Variants in DCP2 observed in about 807,000 individuals in gnomAD.
DCP2 encodes the protein m7GpppN-mRNA hydrolase.
In DCP2, 30 loss-of-function variants were observed where a neutral mutation model predicts 56.1. The ratio of observed to expected loss-of-function variants is 0.53; its 90% CI spans 0.40 to 0.73. The LOEUF (loss-of-function observed/expected upper bound fraction) is 0.73, where lower values mean the gene tolerates loss of function less well. Ranked by LOEUF, DCP2 falls within the 30% of genes least tolerant of loss-of-function variation. The probability of loss-of-function intolerance (pLI) is 0.00; values close to 1 mark genes in which losing one functional copy is unlikely to be tolerated. For missense variants in DCP2, 533 were observed against 502.7 expected (o/e 1.06, Z -0.58); for synonymous variants, 197 against 163.3 (o/e 1.21, Z -1.57).
intron 9 of DCP2, chr5:113,008,307 C>G: frequency 3.5e-6 from 1 of 282,522 alleles, no homozygotes; most frequent in Non-Finnish European, 6.5e-6. Context: ...CAAACCTGTT[C>G]TCTAGAGCAA....
intron 7 of DCP2, among the ~76,000 whole-genome samples, chr5:113,003,095 AGGACAGGAGC>A (rs1171700571): frequency 1.1e-4 from 17 of 152,156 alleles, no homozygotes; most frequent in Non-Finnish European, 1.9e-4. Context: ...GGATATTCTG[AGGACAGGAGC>A]TTGGACTAAA....
Position 113,008,549 on chromosome 5 carries a change from TTA to T in DCP2, c.1047+509_1047+510del, listed in dbSNP as rs1260872218. Among the ~76,000 whole-genome samples, 4 of 152,198 alleles carry T rather than the reference TTA, an allele frequency of 2.6e-5. No individual in the cohort carries two copies. In the South Asian group the frequency reaches 8.3e-4, roughly 32 times the overall value. ...AATTCATAACTCACAGTCTCCTGCG[TTA>T]TCTTTTCTGTAAGTTCTGATATTTG... On this transcript the variant is annotated intron_variant, in intron 9 of 10. Coordinates refer to ENST00000389063, the MANE Select transcript of DCP2 (RefSeq NM_152624.6).
chr5:113,010,634 A>T, intron 9 of DCP2, 122 bp from the exon 10 acceptor site: 1 of 1,122,794 alleles, frequency 8.9e-7, no homozygotes, highest in South Asian at 1.9e-5. Context: ...TGATGATTAT[A>T]TTCCTGGTTC....
intron 9 of DCP2, among the ~76,000 whole-genome samples, chr5:113,009,435 G>A (rs1197576021): frequency 1.3e-5 from 2 of 152,178 alleles, no homozygotes; most frequent in South Asian, 2.1e-4. Flanking sequence ...ATTGAAATGA[G>A]TTACATTTCT....
At position 112,984,692 on chromosome 5, in the gene DCP2, AAAAAAAAAAAAATAT is replaced by A. The variant is rs1473757183; in HGVS notation, c.54-1141_54-1127del. On this transcript the variant is annotated intron_variant, in intron 1 of 10. Coordinates refer to ENST00000389063, the MANE Select transcript of DCP2 (RefSeq NM_152624.6). ...GTTGTTTTTATTTCTTAATTAAAAA[AAAAAAAAAAAAATAT>A]ATATATATATATATATATTTGAGAC... 1.3e-3 allele frequency: 137 copies of A among 104,842 alleles called. 9 individuals are homozygous for A. The highest frequency in any genetic ancestry group is 6.3e-3 in the African/African-American group (130 of 20,578). 6.5% of individuals were successfully genotyped at this position (104,842 alleles called of 1,614,324 possible). A position where few individuals can be genotyped will look rare whatever the true frequency, so the allele number is the denominator to read the frequency against.
intron 7 of DCP2, 24 bp downstream of exon 7, chr5:113,001,698 C>T: frequency 1.9e-6 from 3 of 1,588,366 alleles, no homozygotes; most frequent in African/African-American, 2.7e-5. Flanking sequence ...TTCATGGAAT[C>T]CTGATTTTCT....
chr5:113,013,372 C>A lies in DCP2; in HGVS notation c.1151C>A (p.Ala384Asp), dbSNP rs1277585728. 2 of 1,614,112 alleles carry A rather than the reference C, an allele frequency of 1.2e-6. No individual in the cohort carries two copies. The highest frequency in any genetic ancestry group is 2.2e-5 in the South Asian group (2 of 91,070). ...AGTGAAGACCAGTTGCTAGAACATGCTGAGGGACAGCCCGTGGCATGTAAT... is the reference window on the plus strand; with the variant it reads ...AGTGAAGACCAGTTGCTAGAACATGATGAGGGACAGCCCGTGGCATGTAAT... ...SSSEDQLLEH[A>D]EGQPVACNGH... The change falls in exon 11 of 11, where the codon GCT (alanine) becomes GAT (aspartate). Residue 384 changes from alanine (A) to aspartate (D), a missense_variant. This residue lies in a region of DCP2 where 392 missense variants were observed against 346.6 expected (regional missense o/e 1.13). Transcript: ENST00000389063.
rs543244375 is a variant in DCP2, at chr5:112,999,439, C to T, written c.433-1645C>T. Among the ~76,000 whole-genome samples, 9 of 152,052 alleles carry T rather than the reference C, an allele frequency of 5.9e-5. No homozygotes were observed. The Middle Eastern group carries it at 0.024, about 402-fold the overall frequency. ...ATTTCCTGGGGTTCAAGTGATTCTCCTGTCTCAGCCTTCCGAGTAGCTGGG... is the reference window on the plus strand; with the variant it reads ...ATTTCCTGGGGTTCAAGTGATTCTCTTGTCTCAGCCTTCCGAGTAGCTGGG... On this transcript the variant is annotated intron_variant, in intron 4 of 10. Transcript: ENST00000389063.
At chr5:113,011,083 A>G (rs998627084) in intron 10 of DCP2, among the ~76,000 whole-genome samples, 1 of 152,328 alleles carries the variant, frequency 6.6e-6, no homozygotes, top group South Asian at 2.1e-4. Context: ...AAATAATTGC[A>G]TAAGGATTTG....
chr5:112,981,633 G>C (rs184214297), intron 1 of DCP2, among the ~76,000 whole-genome samples: 1 of 152,126 alleles, frequency 6.6e-6, no homozygotes, highest in African/African-American at 2.4e-5. Context: ...GGAGCCCTTT[G>C]TAAGTGTCTT....
chr5:112,996,033 A>G (rs564337010), intron 4 of DCP2, among the ~76,000 whole-genome samples: 12 of 152,254 alleles, frequency 7.9e-5, no homozygotes, highest in Non-Finnish European at 1.3e-4. Context: ...GCCCTTATGG[A>G]TCTCATTTGA....
chr5:113,010,859 G>C (rs368095981), intron 10 of DCP2, 52 bp downstream of exon 10: 3 of 1,559,132 alleles, frequency 1.9e-6, no homozygotes, highest in Non-Finnish European at 1.7e-6. Flanking sequence ...ATTTGGTTTG[G>C]TTTACCTAAC....
chr5:113,007,417 A>G (rs1749491258), intron 8 of DCP2, among the ~76,000 whole-genome samples: 1 of 144,212 alleles, frequency 6.9e-6, no homozygotes, highest in Non-Finnish European at 1.5e-5. Flanking sequence ...TTTTTTTTGA[A>G]AAAGAGATAG....
At chr5:113,007,400 CTTTT>C (rs869106469) in intron 8 of DCP2, among the ~76,000 whole-genome samples, 122 of 48,976 alleles carry the variant, frequency 2.5e-3, no homozygotes, top group Middle Eastern at 7.2e-3. Flanking sequence ...TTCTTTCTTT[CTTTT>C]TTTTTTTTTT....
chr5:112,988,377 A>G (rs888774873), intron 2 of DCP2, among the ~76,000 whole-genome samples: 2 of 151,210 alleles, frequency 1.3e-5, no homozygotes, highest in Non-Finnish European at 2.9e-5. Context: ...TTGTAGTCCC[A>G]GCTACTCCGG....
At position 112,985,996 on chromosome 5, in the gene DCP2, T is replaced by G; in HGVS notation, c.205+10T>G. The G allele has an allele frequency of 6.6e-7, 1 of 1,519,952 alleles. No homozygotes were observed. Among genetic ancestry groups the G allele is most frequent in the Non-Finnish European group, 9.0e-7 (1 of 1,113,688 alleles). 94.2% of individuals were successfully genotyped at this position (1,519,952 alleles called of 1,614,324 possible). On this transcript the variant is annotated intron_variant, in intron 2 of 10. Coordinates refer to ENST00000389063, the MANE Select transcript of DCP2 (RefSeq NM_152624.6). ...GACTTTGCTAAAGCTGATATCCTTT[T>G]TATTACTATAATGACTGACTTTCTT... is the stretch of plus-strand genomic sequence containing the variant.
intron 8 of DCP2, among the ~76,000 whole-genome samples, chr5:113,006,103 T>G (rs1023067624): frequency 1.4e-4 from 14 of 102,238 alleles, no homozygotes; most frequent in South Asian, 2.9e-4. Context: ...GCAACAGGAG[T>G]GGGACCCTAT....
chr5:112,986,377 G>A (rs1435309022), intron 2 of DCP2, among the ~76,000 whole-genome samples: 1 of 149,310 alleles, frequency 6.7e-6, no homozygotes, highest in Non-Finnish European at 1.5e-5. Flanking sequence ...TTATTCTGTC[G>A]CTCAGGCTGA....
Position 113,020,054 on chromosome 5 carries a change from T to G in DCP2, c.*6570T>G, listed in dbSNP as rs1750040853. ...TTTAAAGATGTTAATGGAGGATACA[T>G]AGTCTTAAAACAATTTGTTTGGGAG... On this transcript the variant is annotated 3_prime_UTR_variant, in exon 11 of 11. Transcript: ENST00000389063. 6.6e-6 allele frequency: 1 copy of G among 152,234 alleles called. No individual in the cohort carries two copies. The highest frequency in any genetic ancestry group is 1.5e-5 in the Non-Finnish European group (1 of 68,026). The allele number at this position is 152,234 out of a possible 1,614,324, so 9.4% of individuals were successfully genotyped here.
Sources: allele counts gnomAD v4.1 joint callset (sites outside exome capture counted in the v4.1 genomes callset), GRCh38; gene constraint gnomAD v4.1.1; regional missense constraint gnomAD v4.1.1; transcripts MANE v1.5; gene names NCBI Gene and HGNC (gene_info 2026-07-23, HGNC 2026-07-21).